Variants in UNC5D observed in about 807,000 individuals in gnomAD.
The protein encoded by UNC5D is netrin receptor UNC5D.
In UNC5D, 39 loss-of-function variants were observed where a neutral mutation model predicts 105.4. The observed-to-expected ratio is 0.37, with a 90% CI of 0.29 to 0.48. The LOEUF (loss-of-function observed/expected upper bound fraction) is 0.48. Ranked by LOEUF, UNC5D falls within the 20% of genes least tolerant of loss-of-function variation. The pLI is 0.98. For synonymous variants in UNC5D, 452 were observed against 450.4 expected (o/e 1.00, Z -0.04); for missense variants, 991 against 1,202.4 (o/e 0.82, Z 2.60).
intron 8 of UNC5D, among the ~76,000 whole-genome samples, chr8:35,711,409 A>T (rs1827958686): frequency 6.6e-6 from 1 of 151,460 alleles, no homozygotes; most frequent in Admixed American, 6.6e-5. Flanking sequence ...TGAACTCCTG[A>T]CCTCAGGTGA....
intron 1 of UNC5D, among the ~76,000 whole-genome samples, chr8:35,277,182 C>T (rs1319709433): frequency 6.6e-6 from 1 of 152,204 alleles, no homozygotes; most frequent in Non-Finnish European, 1.5e-5. Flanking sequence ...AGTTCATCTG[C>T]ATCTCATTAT....
At chr8:35,251,704 A>G (rs1803709804) in intron 1 of UNC5D, among the ~76,000 whole-genome samples, 1 of 152,198 alleles carries the variant, frequency 6.6e-6, no homozygotes, top group Admixed American at 6.5e-5. Flanking sequence ...GGGCCCATAA[A>G]TGGAGATTCC....
At chr8:35,620,446 G>A (rs1821297980) in intron 4 of UNC5D, among the ~76,000 whole-genome samples, 1 of 152,030 alleles carries the variant, frequency 6.6e-6, no homozygotes, top group Non-Finnish European at 1.5e-5. Flanking sequence ...GCAGTCTAAG[G>A]GGCTTTTGTG....
intron 3 of UNC5D, among the ~76,000 whole-genome samples, chr8:35,575,000 T>C (rs1055620554): frequency 6.6e-6 from 1 of 152,198 alleles, no homozygotes; most frequent in African/African-American, 2.4e-5. Flanking sequence ...CTATCACTTG[T>C]TGATCTCAGC....
intron 1 of UNC5D, among the ~76,000 whole-genome samples, chr8:35,498,774 C>T (rs768351675): frequency 1.7e-4 from 26 of 152,012 alleles, no homozygotes; most frequent in Non-Finnish European, 3.5e-4. Flanking sequence ...TGGCTCAAAA[C>T]TCATAATCGC....
intron 1 of UNC5D, among the ~76,000 whole-genome samples, chr8:35,476,073 C>T (rs2129906699): frequency 6.6e-6 from 1 of 152,320 alleles, no homozygotes; most frequent in Admixed American, 6.5e-5. Flanking sequence ...AACAACATCT[C>T]TCGCTCTGGA....
At chr8:35,532,368 A>G (rs972360539) in intron 1 of UNC5D, among the ~76,000 whole-genome samples, 2 of 145,022 alleles carry the variant, frequency 1.4e-5, no homozygotes, top group Admixed American at 6.9e-5. Flanking sequence ...AATGTTGAAT[A>G]TTGGCCCCCA....
chr8:35,376,798 AC>A (rs778403499), intron 1 of UNC5D, among the ~76,000 whole-genome samples: 3 of 151,362 alleles, frequency 2.0e-5, no homozygotes, highest in Non-Finnish European at 2.9e-5. Context: ...CTAGCCAGCA[AC>A]CCTCTTCTCC....
chr8:35,760,492 G>C (rs1801478363), intron 14 of UNC5D, among the ~76,000 whole-genome samples: 1 of 151,996 alleles, frequency 6.6e-6, no homozygotes, highest in Admixed American at 6.6e-5. Context: ...TACATGCTTA[G>C]CCTTAAAAGA....
At chr8:35,640,927 C>CCT (rs561692687) in intron 4 of UNC5D, among the ~76,000 whole-genome samples, 6 of 151,250 alleles carry the variant, frequency 4.0e-5, no homozygotes, top group African/African-American at 1.5e-4. Context: ...CTCCTCCTCT[C>CCT]CTCTCTCTCT....
At chr8:35,789,843 G>C (rs929817297) in intron 16 of UNC5D, among the ~76,000 whole-genome samples, 4 of 151,454 alleles carry the variant, frequency 2.6e-5, no homozygotes, top group African/African-American at 9.7e-5. Context: ...ATGAGTGAAA[G>C]TATGACATAA....
At chr8:35,512,331 G>C (rs952599835) in intron 1 of UNC5D, among the ~76,000 whole-genome samples, 1 of 150,810 alleles carries the variant, frequency 6.6e-6, no homozygotes. Flanking sequence ...AGACAAGCCT[G>C]AGCAACATGG....
rs1472137851 is a variant in UNC5D, at chr8:35,373,428, T to C, written c.103+137541T>C. On this transcript the variant is annotated intron_variant, in intron 1 of 16. Coordinates refer to ENST00000404895, the MANE Select transcript of UNC5D (RefSeq NM_080872.4). ...AATAAAGCATGGACTTATTTAGCCT[T>C]CTTCTCTCCTGTCAGGGATATTCTT... 1.8e-4 allele frequency among the ~76,000 whole-genome samples: 27 copies of C among 152,214 alleles called. 1 individual carries two copies. Among genetic ancestry groups the C allele is most frequent in the Admixed American group, 1.8e-3 (27 of 15,270 alleles).
chr8:35,265,007 G>A lies in UNC5D; in HGVS notation c.103+29120G>A, dbSNP rs924892598. ...GAAAACAGTCATAATAACGCAAACC[G>A]CAAATGAAACCAAAGAAAGTGGAAG... On this transcript the variant is annotated intron_variant, in intron 1 of 16. Transcript: ENST00000404895. Among the ~76,000 whole-genome samples the A allele has an allele frequency of 6.9e-4, 105 of 152,208 alleles. 1 individual carries two copies. Among genetic ancestry groups the A allele is most frequent in the African/African-American group, 2.2e-3 (91 of 41,550 alleles).
chr8:35,544,638 T>A, intron 1 of UNC5D: 1 of 1,390,760 alleles, frequency 7.2e-7, no homozygotes, highest in South Asian at 1.4e-5. Context: ...AGTCTCAGTC[T>A]TTCACTCAGG....
At chr8:35,533,097 C>T (rs925156215) in intron 1 of UNC5D, among the ~76,000 whole-genome samples, 13 of 151,226 alleles carry the variant, frequency 8.6e-5, no homozygotes, top group African/African-American at 2.7e-4. Flanking sequence ...TGAGGAACTG[C>T]GTTCCTTTGG....
intron 8 of UNC5D, among the ~76,000 whole-genome samples, chr8:35,714,191 A>G (rs1456892219): frequency 6.6e-6 from 1 of 152,196 alleles, no homozygotes; most frequent in African/African-American, 2.4e-5. Context: ...GTGAATGGAA[A>G]CAGATTCAGA....
At chr8:35,334,027 G>A (rs950452025) in intron 1 of UNC5D, among the ~76,000 whole-genome samples, 1 of 152,056 alleles carries the variant, frequency 6.6e-6, no homozygotes, top group African/African-American at 2.4e-5. Flanking sequence ...AGGAAATGTG[G>A]CAGAAAACCT....
chr8:35,736,984 A>G (rs1191880352), intron 11 of UNC5D, among the ~76,000 whole-genome samples: 1 of 152,140 alleles, frequency 6.6e-6, no homozygotes, highest in Non-Finnish European at 1.5e-5. Context: ...CATCTCCACC[A>G]ATATTGCCCA....
Sources: gnomAD v4.1 joint callset for allele counts (sites outside exome capture counted in the v4.1 genomes callset) on GRCh38, gnomAD v4.1.1 for gene constraint, MANE v1.5 for transcripts, NCBI Gene and HGNC (gene_info 2026-07-23, HGNC 2026-07-21) for gene names.